Variants in EXOC4 observed in about 807,000 individuals in gnomAD.
The protein encoded by EXOC4 is exocyst complex component 4.
In EXOC4, 71 loss-of-function variants were observed where a neutral mutation model predicts 107.2. That is an observed-to-expected ratio of 0.66 (90% confidence interval 0.55 to 0.81). EXOC4 has a LOEUF of 0.81. Ranked by LOEUF, EXOC4 falls within the 30% of genes least tolerant of loss-of-function variation. EXOC4 has a pLI of 0.00. For synonymous variants in EXOC4, 456 were observed against 441.2 expected, an observed-to-expected ratio of 1.03 and a Z score of -0.42; for missense variants, 1,108 against 1,189.6, an observed-to-expected ratio of 0.93 and a Z score of 1.01.
chr7:133,821,538 T>G (rs995535763), intron 11 of EXOC4, among the ~76,000 whole-genome samples: 3 of 152,244 alleles, frequency 2.0e-5, no homozygotes, highest in Non-Finnish European at 2.9e-5. Context: ...AAATTGGGCC[T>G]CATGTTTTGT....
At chr7:134,080,927 G>A in the EXOC4 span, among the ~76,000 whole-genome samples, 1 of 152,102 alleles carries the variant, frequency 6.6e-6, no homozygotes, top group African/African-American at 2.4e-5. Context: ...CAACAGAAAT[G>A]AGACCCTGTC....
At chr7:133,610,416 C>A (rs973179818) in intron 9 of EXOC4, among the ~76,000 whole-genome samples, 2 of 152,110 alleles carry the variant, frequency 1.3e-5, no homozygotes, top group African/African-American at 2.4e-5. Flanking sequence ...TTTTTCATGC[C>A]CTTCTTAGTA....
At chr7:133,776,941 G>A (rs574719165) in intron 10 of EXOC4, among the ~76,000 whole-genome samples, 4 of 152,068 alleles carry the variant, frequency 2.6e-5, no homozygotes, top group Non-Finnish European at 5.9e-5. Context: ...AAGCTGTCCT[G>A]TAACAAGAAG....
intron 9 of EXOC4, among the ~76,000 whole-genome samples, chr7:133,562,289 T>C (rs1563108943): frequency 1.3e-5 from 2 of 152,164 alleles, no homozygotes; most frequent in Non-Finnish European, 1.5e-5. Flanking sequence ...TGGTTTCTGC[T>C]CCTATGATAT....
intron 17 of EXOC4, among the ~76,000 whole-genome samples, chr7:134,060,460 G>C (rs1796030719): frequency 6.6e-6 from 1 of 152,190 alleles, no homozygotes; most frequent in Non-Finnish European, 1.5e-5. Flanking sequence ...ATCCCATCCA[G>C]GCAGCCCCAG....
At chr7:133,607,433 G>T (rs1275481349) in intron 9 of EXOC4, among the ~76,000 whole-genome samples, 1 of 152,148 alleles carries the variant, frequency 6.6e-6, no homozygotes, top group Non-Finnish European at 1.5e-5. Flanking sequence ...TATGGTGTTG[G>T]ATCTCAGACA....
chr7:134,008,336 G>A (rs533763804), intron 17 of EXOC4, among the ~76,000 whole-genome samples: 116 of 152,112 alleles, frequency 7.6e-4, no homozygotes, highest in African/African-American at 2.6e-3. Context: ...TATCAATAAC[G>A]TTGTTTGAAA....
intron 15 of EXOC4, among the ~76,000 whole-genome samples, chr7:134,003,463 C>G (rs1794574669): frequency 6.6e-6 from 1 of 152,126 alleles, no homozygotes; most frequent in Non-Finnish European, 1.5e-5. Flanking sequence ...TCTCAATAAA[C>G]CTGACTAAAG....
chr7:133,351,635 C>T (rs1795912246), intron 5 of EXOC4, among the ~76,000 whole-genome samples: 1 of 151,858 alleles, frequency 6.6e-6, no homozygotes, highest in Non-Finnish European at 1.5e-5. Context: ...AAAGAACCAA[C>T]TTTGATTTAA....
chr7:133,437,954 T>A (rs543965375), intron 7 of EXOC4, among the ~76,000 whole-genome samples: 12 of 152,334 alleles, frequency 7.9e-5, no homozygotes, highest in Non-Finnish European at 1.6e-4. Flanking sequence ...CTTTTCCTAG[T>A]CTTTGTCCCG....
At chr7:133,640,123 A>G (rs904373078) in intron 10 of EXOC4, among the ~76,000 whole-genome samples, 1 of 152,186 alleles carries the variant, frequency 6.6e-6, no homozygotes, top group Non-Finnish European at 1.5e-5. Context: ...AAGTGTAACC[A>G]TGACCCAAAT....
intron 2 of EXOC4, among the ~76,000 whole-genome samples, chr7:133,279,353 C>T (rs528466345): frequency 6.6e-6 from 1 of 152,226 alleles, no homozygotes; most frequent in Admixed American, 6.5e-5. Context: ...GATGGCTGGT[C>T]AAATGGTATT....
intron 17 of EXOC4, among the ~76,000 whole-genome samples, chr7:134,050,709 A>T (rs1795764658): frequency 6.6e-6 from 1 of 152,194 alleles, no homozygotes; most frequent in Non-Finnish European, 1.5e-5. Flanking sequence ...TGGCAGGTTG[A>T]AGCAGGGAAG....
At chr7:133,524,118 TTTTTAA>T (rs1800033022) in intron 9 of EXOC4, among the ~76,000 whole-genome samples, 2 of 141,152 alleles carry the variant, frequency 1.4e-5, no homozygotes, top group Non-Finnish European at 3.1e-5. Context: ...GTTTCCTGAC[TTTTTAA>T]TGATTGCCAT....
intron 14 of EXOC4, among the ~76,000 whole-genome samples, chr7:133,991,106 A>G (rs1794247450): frequency 6.6e-6 from 1 of 152,186 alleles, no homozygotes; most frequent in Non-Finnish European, 1.5e-5. Flanking sequence ...TATAATAGTC[A>G]TTCTCACTGG....
At chr7:133,589,504 G>A (rs1398472507) in intron 9 of EXOC4, among the ~76,000 whole-genome samples, 1 of 152,184 alleles carries the variant, frequency 6.6e-6, no homozygotes, top group Non-Finnish European at 1.5e-5. Context: ...TCAGAGAAGT[G>A]CTTCAGGATC....
At chr7:134,009,306 A>G (rs1794715050) in intron 17 of EXOC4, among the ~76,000 whole-genome samples, 2 of 152,168 alleles carry the variant, frequency 1.3e-5, no homozygotes, top group Admixed American at 6.5e-5. Context: ...TATGGAGATG[A>G]TGAAATATTA....
intron 9 of EXOC4, among the ~76,000 whole-genome samples, chr7:133,483,355 C>A (rs965314653): frequency 3.3e-5 from 5 of 152,150 alleles, no homozygotes; most frequent in Admixed American, 1.3e-4. Context: ...CAGTTATAAG[C>A]TTTATTAAAT....
chr7:133,637,868 C>T (rs1048716861), intron 10 of EXOC4, among the ~76,000 whole-genome samples: 47 of 152,028 alleles, frequency 3.1e-4, no homozygotes, highest in African/African-American at 9.7e-5. Context: ...GGCTAAACAC[C>T]GATTGCAACT....
Sources: allele counts gnomAD v4.1 joint callset (sites outside exome capture counted in the v4.1 genomes callset), GRCh38; gene constraint gnomAD v4.1.1; transcripts MANE v1.5; gene names NCBI Gene and HGNC (gene_info 2026-07-23, HGNC 2026-07-21).